Variants in TSPAN32 observed in about 807,000 individuals in gnomAD.
The protein encoded by TSPAN32 is tetraspanin-32.
Under a neutral mutation model 42.7 loss-of-function variants are expected in TSPAN32, and 47 were observed. That is an observed-to-expected ratio of 1.10 (90% confidence interval 0.87 to 1.40). The LOEUF is 1.40. TSPAN32 is among the 40% of genes most tolerant of loss of function. The pLI, the probability that TSPAN32 is intolerant of heterozygous loss-of-function variation, is 0.00. For missense variants in TSPAN32, 469 were observed against 424.1 expected (o/e 1.11, Z -0.93); for synonymous variants, 175 against 175.9 (o/e 0.99, Z 0.04).
intron 3 of TSPAN32, among the ~76,000 whole-genome samples, chr11:2,308,272 G>T (rs1848228332): frequency 6.6e-6 from 1 of 152,094 alleles, no homozygotes; most frequent in Non-Finnish European, 1.5e-5. Context: ...TCCCTCTCAG[G>T]CAGTGGGGAG....
intron 4 of TSPAN32, chr11:2,309,511 G>A (rs1164042968): frequency 2.6e-6 from 1 of 379,972 alleles, no homozygotes; most frequent in Non-Finnish European, 5.5e-6. Context: ...GCCAGACCTG[G>A]TGAGAGCCCC....
chr11:2,314,232 G>A (rs1324518675), intron 5 of TSPAN32, among the ~76,000 whole-genome samples: 1 of 152,120 alleles, frequency 6.6e-6, no homozygotes, highest in Non-Finnish European at 1.5e-5. Flanking sequence ...ACAGGGCGGG[G>A]AAGCTGCCTG....
At chr11:2,310,730 A>C (rs141277142) in intron 4 of TSPAN32, among the ~76,000 whole-genome samples, 316 of 152,336 alleles carry the variant, frequency 2.1e-3, no homozygotes, top group Non-Finnish European at 3.5e-3. Flanking sequence ...GGGAATGGCC[A>C]GGTGTGTGCA....
chr11:2,304,095 C>G lies in TSPAN32; in HGVS notation c.182-12C>G. ...GGCACCCCTAACCCTCCTCCTCTCT[C>G]CTCCCAACCAGCCTTCTCTGCGGGG... is the stretch of plus-strand genomic sequence containing the variant. On this transcript the variant is annotated splice_polypyrimidine_tract_variant and intron_variant, in intron 2 of 9. Transcript: ENST00000182290. The surrounding 1 kb of genome is among the most constrained non-coding windows in gnomAD (Gnocchi z 4.8). 1 of 1,568,846 alleles carries G rather than the reference C, an allele frequency of 6.4e-7. No homozygotes were observed. Among genetic ancestry groups the G allele is most frequent in the Non-Finnish European group, 8.6e-7 (1 of 1,156,392 alleles).
rs562073701 is a variant in TSPAN32 at position 2,312,880 on chromosome 11, G to A, written c.355-774G>A. The stretch of plus-strand genomic sequence containing the variant: ...GGGCAGGGACCTCAAAGAGGGCCTC[G>A]CCCTGTGCCAGGAGACCAGCGACTC... On this transcript the variant is annotated intron_variant, in intron 4 of 9. Transcript: ENST00000182290. 2.6e-3 allele frequency among the ~76,000 whole-genome samples: 395 copies of A among 152,292 alleles called. 2 individuals carry two copies. Among genetic ancestry groups the A allele is most frequent in the Middle Eastern group, 0.014 (4 of 294 alleles).
chr11:2,317,032 A>C lies in TSPAN32; in HGVS notation c.720-312A>C, dbSNP rs564470771. 4.0e-4 allele frequency among the ~76,000 whole-genome samples: 61 copies of C among 152,026 alleles called. No individual in the cohort carries two copies. Among genetic ancestry groups the C allele is most frequent in the African/African-American group, 1.3e-3 (54 of 41,482 alleles). On this transcript the variant is annotated intron_variant, in intron 8 of 9. Coordinates refer to ENST00000182290, the MANE Select transcript of TSPAN32 (RefSeq NM_139022.3). This position sits in a 1 kb window ranked among gnomAD's most constrained non-coding sequence, Gnocchi z 6.2. ...GGCAGGGAGGGTCCAACCCACAGCCAGGCAGCTCTTCCTGCCCCCACGGAG... is the reference window on the plus strand; with the variant it reads ...GGCAGGGAGGGTCCAACCCACAGCCCGGCAGCTCTTCCTGCCCCCACGGAG...
Position 2,310,541 on chromosome 11 carries a change from G to A in TSPAN32, c.354+1731G>A, listed in dbSNP as rs74048260. ...TGGTCCCCATCTGCCCCTCCCAGTG[G>A]GTCTTGACTTCTGGCATCATCTGTG... On this transcript the variant is annotated intron_variant, in intron 4 of 9. Transcript: ENST00000182290. Among the ~76,000 whole-genome samples, 663 of 152,310 alleles carry A rather than the reference G, an allele frequency of 4.4e-3. 2 individuals carry two copies. The highest frequency in any genetic ancestry group is 0.015 in the African/African-American group (642 of 41,568).
Position 2,314,572 on chromosome 11 carries a change from G to T in TSPAN32, c.543+1G>T. The T allele has an allele frequency of 1.9e-6, 3 of 1,604,996 alleles. No homozygotes were observed. The highest frequency in any genetic ancestry group is 2.6e-6 in the Non-Finnish European group (3 of 1,176,126). On this transcript the variant is annotated splice_donor_variant, in intron 6 of 9. Transcript: ENST00000182290. LOFTEE classifies it high-confidence loss of function. ...TCAGGGAGAGGAGGCGGCGAGAGAG[G>T]TGAGGGGGGGACCTGGATGCTGGCC... is the stretch of plus-strand genomic sequence containing the variant.
chr11:2,312,473 G>A (rs763581502), intron 4 of TSPAN32, among the ~76,000 whole-genome samples: 1 of 152,254 alleles, frequency 6.6e-6, no homozygotes, highest in Non-Finnish European at 1.5e-5. Context: ...GATGACTCAC[G>A]GAGAGTGGTC....
intron 3 of TSPAN32, among the ~76,000 whole-genome samples, chr11:2,305,523 G>A (rs1589797881): frequency 6.6e-6 from 1 of 152,248 alleles, no homozygotes; most frequent in Non-Finnish European, 1.5e-5. Context: ...GGGGTGCCAT[G>A]GTGCTGGGCT....
intron 3 of TSPAN32, among the ~76,000 whole-genome samples, chr11:2,305,395 C>T (rs1204121213): frequency 6.9e-6 from 1 of 144,958 alleles, no homozygotes; most frequent in Non-Finnish European, 1.5e-5. Flanking sequence ...GGGTGTGTGG[C>T]CTGCAAAGGG....
chr11:2,315,244 A>T, intron 6 of TSPAN32: 2 of 1,198,620 alleles, frequency 1.7e-6, no homozygotes, highest in South Asian at 1.5e-5. Context: ...CCTATCTCAC[A>T]GTGGGAGGCA....
intron 6 of TSPAN32, chr11:2,315,375 G>A: frequency 4.4e-6 from 5 of 1,138,904 alleles, no homozygotes; most frequent in Non-Finnish European, 5.4e-6. Flanking sequence ...GTGCTGGGGA[G>A]GGACCAGCGG....
Position 2,318,006 on chromosome 11 carries a change from GTCAAC to G in TSPAN32, c.*85_*89del. ...CCAGGACCATTCAGGCTGTTGACAAGTCAACTCCTCATGGCTGTAGGACTGAGGTT... is the reference window on the plus strand; with the variant it reads ...CCAGGACCATTCAGGCTGTTGACAAGTCCTCATGGCTGTAGGACTGAGGTT... On this transcript the variant is annotated 3_prime_UTR_variant, in exon 10 of 10. Transcript: ENST00000182290. This position sits in a 1 kb window ranked among gnomAD's most constrained non-coding sequence, Gnocchi z 4.2. 1 of 707,244 alleles carries G rather than the reference GTCAAC, an allele frequency of 1.4e-6. No homozygotes were observed. The allele number at this position is 707,244 out of a possible 1,614,324, so 43.8% of individuals were successfully genotyped here.
rs372687754 is a variant in TSPAN32 at position 2,317,926 on chromosome 11, G to C, written c.*2G>C. On this transcript the variant is annotated 3_prime_UTR_variant, in exon 10 of 10. Coordinates refer to ENST00000182290, the MANE Select transcript of TSPAN32 (RefSeq NM_139022.3). The surrounding 1 kb of genome is among the most constrained non-coding windows in gnomAD (Gnocchi z 6.2). ...CCTGAGCGGGGTCTCTCAGACTGAC[G>C]TCAGGCCTTGGTGGGCTGCACTCTC... 1 of 1,027,898 alleles carries C rather than the reference G, an allele frequency of 9.7e-7. No homozygotes were observed. The highest frequency in any genetic ancestry group is 1.3e-5 in the South Asian group (1 of 79,288). The allele number at this position is 1,027,898 out of a possible 1,614,324, so 63.7% of individuals were successfully genotyped here. A position where few individuals can be genotyped will look rare whatever the true frequency, so the allele number is the denominator to read the frequency against.
intron 6 of TSPAN32, 28 bp from the exon 7 acceptor site, chr11:2,316,201 G>A (rs776235159): frequency 2.9e-5 from 45 of 1,533,544 alleles, no homozygotes; most frequent in Middle Eastern, 1.7e-4. Context: ...CGCTCAGGGC[G>A]GGTACCATGC....
chr11:2,308,830 A>C lies in TSPAN32; in HGVS notation c.354+20A>C. ...ACCCAGGTGAGCACCAGCTGCCCCT[A>C]CCCTGCAGTGGAGGGTCCCCCAGTA... On this transcript the variant is annotated intron_variant, in intron 4 of 9. Transcript: ENST00000182290. The C allele has an allele frequency of 6.5e-7, 1 of 1,533,522 alleles. No homozygotes were observed. Among genetic ancestry groups the C allele is most frequent in the Non-Finnish European group, 8.9e-7 (1 of 1,128,924 alleles). The allele number at this position is 1,533,522 out of a possible 1,614,324, so 95.0% of individuals were successfully genotyped here. A position where few individuals can be genotyped will look rare whatever the true frequency, so the allele number is the denominator to read the frequency against.
Position 2,314,836 on chromosome 11 carries a change from C to A in TSPAN32, c.543+265C>A, listed in dbSNP as rs111562137. On this transcript the variant is annotated intron_variant, in intron 6 of 9. Transcript: ENST00000182290. ...TGCCCAGCTGGACGCAGGCCCCATGCGCCATTCACTCCTTCAAGCCAGTTC... is the reference window on the plus strand; with the variant it reads ...TGCCCAGCTGGACGCAGGCCCCATGAGCCATTCACTCCTTCAAGCCAGTTC... 4 of 509,834 alleles carry A rather than the reference C, an allele frequency of 7.8e-6. No homozygotes were observed. In the South Asian group the frequency reaches 8.6e-5, roughly 11 times the overall value. The allele number at this position is 509,834 out of a possible 1,614,324, so 31.6% of individuals were successfully genotyped here.
Position 2,314,782 on chromosome 11 carries a change from T to C in TSPAN32, c.543+211T>C, listed in dbSNP as rs1050884081. 8.6e-6 allele frequency: 5 copies of C among 583,568 alleles called. No individual in the cohort carries two copies. The Admixed American group carries it at 9.0e-5, about 11-fold the overall frequency. The allele number at this position is 583,568 out of a possible 1,614,324, so 36.1% of individuals were successfully genotyped here. A position where few individuals can be genotyped will look rare whatever the true frequency, so the allele number is the denominator to read the frequency against. On this transcript the variant is annotated intron_variant, in intron 6 of 9. Coordinates refer to ENST00000182290, the MANE Select transcript of TSPAN32 (RefSeq NM_139022.3). The stretch of plus-strand genomic sequence containing the variant: ...CGCCAAGCCCATTGGGTGGCCAGGC[T>C]GGGCTCAAGACATAAACACAGGCCC...
Sources: allele counts gnomAD v4.1 joint callset (sites outside exome capture counted in the v4.1 genomes callset), GRCh38; gene constraint gnomAD v4.1.1; non-coding constraint Gnocchi (gnomAD v3.1); transcripts MANE v1.5; gene names NCBI Gene and HGNC (gene_info 2026-07-23, HGNC 2026-07-21).